The following NFIA variants were observed in gnomAD, a reference collection of about 807,000 sequenced individuals.
NFIA encodes the protein nuclear factor I A, also known as nuclear factor 1 A-type.
Under a neutral mutation model 62.8 loss-of-function variants are expected in NFIA, and 8 were observed. The observed-to-expected ratio is 0.13, with a 90% CI of 0.07 to 0.23. The LOEUF is 0.23. Among genes scored for constraint, NFIA ranks in the 10% least tolerant of loss-of-function variants. NFIA has a pLI of 1.00. For synonymous variants in NFIA, 235 were observed against 238.1 expected (o/e 0.99, Z 0.12); for missense variants, 410 against 642.1 (o/e 0.64, Z 3.91).
rs1668309981 is a variant in NFIA at position 61,456,573 on chromosome 1, G to A, written c.*1253G>A. On this transcript the variant is annotated 3_prime_UTR_variant, in exon 11 of 11. Coordinates refer to ENST00000403491, the MANE Select transcript of NFIA (RefSeq NM_001134673.4). Reference sequence around the variant, plus strand: ...AATTTTACACCTATCTGGCATCATAGGATTTATCAGTTATCAGACACCTCA... The same window carrying A: ...AATTTTACACCTATCTGGCATCATAAGATTTATCAGTTATCAGACACCTCA... 6.6e-6 allele frequency: 1 copy of A among 151,302 alleles called. No individual in the cohort carries two copies. Among genetic ancestry groups the A allele is most frequent in the Admixed American group, 6.6e-5 (1 of 15,188 alleles). 9.4% of individuals were successfully genotyped at this position (151,302 alleles called of 1,614,324 possible). A position where few individuals can be genotyped will look rare whatever the true frequency, so the allele number is the denominator to read the frequency against.
intron 3 of NFIA, among the ~76,000 whole-genome samples, chr1:61,277,917 A>C (rs1482992065): frequency 6.6e-6 from 1 of 152,134 alleles, no homozygotes; most frequent in East Asian, 1.9e-4. Context: ...GTGAGGAGTC[A>C]TGGCTTTTTC....
chr1:61,429,501 T>C (rs1278323547), intron 10 of NFIA, among the ~76,000 whole-genome samples: 2 of 152,216 alleles, frequency 1.3e-5, no homozygotes, highest in Non-Finnish European at 2.9e-5. Flanking sequence ...TGCTCACTTC[T>C]CAGGGATACT....
At chr1:61,387,166 G>T (rs942544828) in intron 7 of NFIA, among the ~76,000 whole-genome samples, 1 of 152,078 alleles carries the variant, frequency 6.6e-6, no homozygotes, top group Non-Finnish European at 1.5e-5. Context: ...ATCTCAGGGG[G>T]TCAGATAGGC....
At chr1:61,112,974 G>A (rs1382581579) in intron 2 of NFIA, among the ~76,000 whole-genome samples, 1 of 152,074 alleles carries the variant, frequency 6.6e-6, no homozygotes, top group Non-Finnish European at 1.5e-5. Flanking sequence ...ATTTATAATA[G>A]TATTTCTAGT....
chr1:61,241,431 TG>T (rs1655344711), intron 2 of NFIA, among the ~76,000 whole-genome samples: 1 of 152,200 alleles, frequency 6.6e-6, no homozygotes, highest in Admixed American at 6.5e-5. Context: ...CAAGATTTAT[TG>T]GGGGTTATTT....
In NFIA at chr1:61,104,567, A is replaced by C. The variant is rs1405182728; in HGVS notation, c.559+15887A>C. On this transcript the variant is annotated intron_variant, in intron 2 of 10. Coordinates refer to ENST00000403491, the MANE Select transcript of NFIA (RefSeq NM_001134673.4). ...GCCTCTCTAAGGGAAACAGAACCCAACTGAAGATAAGAGTTTCTTCCCCCC... is the reference window on the plus strand; with the variant it reads ...GCCTCTCTAAGGGAAACAGAACCCACCTGAAGATAAGAGTTTCTTCCCCCC... Among the ~76,000 whole-genome samples the C allele has an allele frequency of 3.9e-5, 6 of 152,102 alleles. No individual in the cohort carries two copies. In the East Asian group the frequency reaches 1.2e-3, roughly 29 times the overall value.
intron 4 of NFIA, among the ~76,000 whole-genome samples, chr1:61,351,964 T>C (rs1662568655): frequency 6.6e-6 from 1 of 152,188 alleles, no homozygotes; most frequent in Non-Finnish European, 1.5e-5. Context: ...GGAGAGGTGA[T>C]TCAGAGTAAA....
chr1:61,453,404 C>T (rs1472053930), intron 10 of NFIA, among the ~76,000 whole-genome samples: 4 of 147,024 alleles, frequency 2.7e-5, no homozygotes, highest in Non-Finnish European at 6.0e-5. Flanking sequence ...GTAACCTTGT[C>T]GGCAAGGCAC....
At chr1:61,107,985 T>C (rs1646632643) in intron 2 of NFIA, among the ~76,000 whole-genome samples, 1 of 151,724 alleles carries the variant, frequency 6.6e-6, no homozygotes, top group African/African-American at 2.4e-5. Context: ...GTTTTTGGAT[T>C]CTTTGCTCTG....
chr1:61,270,619 T>C (rs955215266), intron 2 of NFIA, among the ~76,000 whole-genome samples: 11 of 152,332 alleles, frequency 7.2e-5, no homozygotes, highest in African/African-American at 2.4e-4. Context: ...GTAGTATAGA[T>C]GGCTGTATGA....
At chr1:61,392,700 C>T (rs183416309) in intron 7 of NFIA, among the ~76,000 whole-genome samples, 6 of 152,306 alleles carry the variant, frequency 3.9e-5, no homozygotes, top group East Asian at 3.9e-4. Flanking sequence ...AGAGCTCTTC[C>T]GTAGTGGAAT....
In NFIA at chr1:61,353,427, A is replaced by AG. The variant is rs983400939; in HGVS notation, c.818+863dup. 7.0e-4 allele frequency among the ~76,000 whole-genome samples: 107 copies of AG among 152,328 alleles called. 1 individual carries two copies. Among genetic ancestry groups the AG allele is most frequent in the African/African-American group, 2.2e-3 (91 of 41,576 alleles). Reference sequence around the variant, plus strand: ...TCTAGATAACCTGTACCAGAGGGAAAGGGATTAGGCATTAAACCCACAGTA... The same window carrying AG: ...TCTAGATAACCTGTACCAGAGGGAAAGGGGATTAGGCATTAAACCCACAGTA... On this transcript the variant is annotated intron_variant, in intron 5 of 10. Coordinates refer to ENST00000403491, the MANE Select transcript of NFIA (RefSeq NM_001134673.4).
At chr1:61,132,953 C>T (rs529862195) in intron 2 of NFIA, 5 of 152,148 alleles carry the variant, frequency 3.3e-5, no homozygotes, top group African/African-American at 9.7e-5. Context: ...CTGCCCCCCC[C>T]ACCCAGGCTT....
intron 3 of NFIA, among the ~76,000 whole-genome samples, chr1:61,327,681 T>G (rs1174357619): frequency 6.6e-6 from 1 of 152,142 alleles, no homozygotes; most frequent in Non-Finnish European, 1.5e-5. Flanking sequence ...GCATTTAGGT[T>G]GGTTCCACAT....
intron 2 of NFIA, among the ~76,000 whole-genome samples, chr1:61,116,342 T>C (rs1646793404): frequency 6.6e-6 from 1 of 152,214 alleles, no homozygotes; most frequent in African/African-American, 2.4e-5. Flanking sequence ...GTGTAAGGAT[T>C]TTTAGTGCAA....
chr1:61,097,508 T>C (rs1646436508), intron 2 of NFIA, among the ~76,000 whole-genome samples: 1 of 152,244 alleles, frequency 6.6e-6, no homozygotes, highest in East Asian at 1.9e-4. Context: ...GGGTAGTACA[T>C]TGCATTCATG....
intron 2 of NFIA, among the ~76,000 whole-genome samples, chr1:61,196,912 TGTG>T (rs1652043793): frequency 7.2e-5 from 7 of 97,826 alleles, no homozygotes; most frequent in Non-Finnish European, 1.3e-4. Flanking sequence ...TGTGTGTGTG[TGTG>T]TGTGTGTGTG....
chr1:61,421,440 G>A (rs1396006558), intron 9 of NFIA, among the ~76,000 whole-genome samples: 1 of 152,146 alleles, frequency 6.6e-6, no homozygotes, highest in Non-Finnish European at 1.5e-5. Flanking sequence ...TGAAGAGGGG[G>A]TGAATGTTTG....
chr1:61,191,484 C>T (rs913971429), intron 2 of NFIA, among the ~76,000 whole-genome samples: 1 of 152,028 alleles, frequency 6.6e-6, no homozygotes, highest in Non-Finnish European at 1.5e-5. Context: ...TTTCCCAGCA[C>T]CATTTATTTT....
Sources: allele counts gnomAD v4.1 joint callset (sites outside exome capture counted in the v4.1 genomes callset), GRCh38; gene constraint gnomAD v4.1.1; transcripts MANE v1.5; gene names NCBI Gene and HGNC (gene_info 2026-07-23, HGNC 2026-07-21).